Variants in SLC39A11 observed in about 807,000 individuals in gnomAD.
SLC39A11 encodes solute carrier family 39 member 11, also known as zinc transporter ZIP11.
A neutral mutation model predicts 36.1 loss-of-function variants in SLC39A11; 33 were observed. The observed-to-expected ratio is 0.91, with a 90% CI of 0.69 to 1.22. The LOEUF (loss-of-function observed/expected upper bound fraction) is 1.22. Ranked by LOEUF, SLC39A11 falls within the 50% of genes most tolerant of loss-of-function variation. The pLI is 0.00. For synonymous variants in SLC39A11, 166 were observed against 170.3 expected (o/e 0.97, Z 0.20); for missense variants, 432 against 430.3 (o/e 1.00, Z -0.03).
chr17:72,770,289 G>C (rs926691929), intron 6 of SLC39A11, among the ~76,000 whole-genome samples: 3 of 152,232 alleles, frequency 2.0e-5, no homozygotes, highest in Non-Finnish European at 2.9e-5. Context: ...GCAGAAAGTA[G>C]AATGCTGGTT....
chr17:72,725,136 T>A (rs567129446), intron 7 of SLC39A11, among the ~76,000 whole-genome samples: 7 of 152,232 alleles, frequency 4.6e-5, no homozygotes, highest in Non-Finnish European at 7.3e-5. Flanking sequence ...AATAACATTA[T>A]GTTTTTAAGT....
chr17:72,755,485 C>A (rs750337123), intron 6 of SLC39A11, among the ~76,000 whole-genome samples: 3 of 152,154 alleles, frequency 2.0e-5, no homozygotes, highest in African/African-American at 7.2e-5. Context: ...CCATAGACAC[C>A]GGCAACAGGT....
chr17:72,656,535 G>C, intron 7 of SLC39A11, among the ~76,000 whole-genome samples: 1 of 151,992 alleles, frequency 6.6e-6, no homozygotes, highest in Non-Finnish European at 1.5e-5. Context: ...CGGGGGAGGC[G>C]GGAAGGGAGG....
chr17:72,966,758 A>AG (rs1463355014), intron 4 of SLC39A11, among the ~76,000 whole-genome samples: 1 of 151,956 alleles, frequency 6.6e-6, no homozygotes, highest in Admixed American at 6.6e-5. Flanking sequence ...TTTAGTAGAG[A>AG]GGGGGTTTCC....
intron 4 of SLC39A11, among the ~76,000 whole-genome samples, chr17:73,004,960 C>A (rs1225120146): frequency 6.6e-6 from 1 of 152,172 alleles, no homozygotes; most frequent in Non-Finnish European, 1.5e-5. Flanking sequence ...CCGACCTAAC[C>A]CCCCAACACA....
At chr17:72,731,280 T>C (rs1228682038) in intron 7 of SLC39A11, among the ~76,000 whole-genome samples, 1 of 152,200 alleles carries the variant, frequency 6.6e-6, no homozygotes, top group African/African-American at 2.4e-5. Context: ...AACTGTCGTT[T>C]CTGTGTAGAG....
At chr17:73,010,687 A>G (rs2090460037) in intron 4 of SLC39A11, among the ~76,000 whole-genome samples, 1 of 152,216 alleles carries the variant, frequency 6.6e-6, no homozygotes, top group Non-Finnish European at 1.5e-5. Context: ...CTAGCTTCTT[A>G]GGCAAACATA....
intron 7 of SLC39A11, among the ~76,000 whole-genome samples, chr17:72,680,410 G>C (rs997820705): frequency 6.6e-6 from 1 of 152,156 alleles, no homozygotes; most frequent in Non-Finnish European, 1.5e-5. Flanking sequence ...GAAGGGACCT[G>C]GTGGGAAGTA....
At chr17:72,737,868 TGG>T in intron 6 of SLC39A11, among the ~76,000 whole-genome samples, 1 of 152,126 alleles carries the variant, frequency 6.6e-6, no homozygotes, top group African/African-American at 2.4e-5. Context: ...AATCCCTCTC[TGG>T]GGCTGGGAAA....
chr17:73,072,364 G>A (rs558376102), intron 3 of SLC39A11: 9 of 152,318 alleles, frequency 5.9e-5, no homozygotes, highest in African/African-American at 2.2e-4. Flanking sequence ...GACAGACAGG[G>A]ACTGTTTGCA....
intron 6 of SLC39A11, among the ~76,000 whole-genome samples, chr17:72,786,517 C>T (rs2076519403): frequency 1.3e-5 from 2 of 152,248 alleles, no homozygotes; most frequent in African/African-American, 4.8e-5. Flanking sequence ...ACCCCCCTTG[C>T]CATGCCCCCA....
At chr17:73,084,508 A>G (rs1049128720) in intron 3 of SLC39A11, among the ~76,000 whole-genome samples, 3 of 151,548 alleles carry the variant, frequency 2.0e-5, no homozygotes, top group African/African-American at 7.3e-5. Context: ...AGGAAAAAGT[A>G]TATTTAGTTA....
rs57220008 is a variant in SLC39A11 at position 72,701,727 on chromosome 17, C to CA, written c.671+34922dup. On this transcript the variant is annotated intron_variant, in intron 7 of 9. Transcript: ENST00000255559. ...TGGGAGACAGAGGGAGATTCTGTCT[C>CA]AAAAAAAAAAAAAAAAAAAGAAAAA... 6.4e-3 allele frequency among the ~76,000 whole-genome samples: 566 copies of CA among 88,730 alleles called. 8 individuals carry two copies. Among genetic ancestry groups the CA allele is most frequent in the African/African-American group, 0.015 (316 of 20,874 alleles). 58.2% of individuals were successfully genotyped at this position (88,730 alleles called of 152,430 possible).
intron 5 of SLC39A11, among the ~76,000 whole-genome samples, chr17:72,933,040 T>G (rs2084519916): frequency 6.6e-6 from 1 of 152,244 alleles, no homozygotes; most frequent in Admixed American, 6.5e-5. Flanking sequence ...AAGGCAAGAC[T>G]GTCTGCTCTT....
chr17:72,740,721 A>G (rs1291479247), intron 6 of SLC39A11, among the ~76,000 whole-genome samples: 1 of 152,212 alleles, frequency 6.6e-6, no homozygotes, highest in Non-Finnish European at 1.5e-5. Flanking sequence ...TTCACTGCAG[A>G]GATGAACTGC....
chr17:72,843,748 C>T (rs2078923563), intron 6 of SLC39A11, among the ~76,000 whole-genome samples: 1 of 152,142 alleles, frequency 6.6e-6, no homozygotes, highest in African/African-American at 2.4e-5. Context: ...GTACAACATC[C>T]TCTTGTGAGA....
intron 6 of SLC39A11, among the ~76,000 whole-genome samples, chr17:72,848,772 G>A (rs1466790618): frequency 1.3e-5 from 2 of 151,322 alleles, no homozygotes; most frequent in African/African-American, 2.4e-5. Flanking sequence ...AAATAGGAAA[G>A]GATTGGTAAG....
rs940423749 is a variant in SLC39A11 at position 73,088,258 on chromosome 17, C to T, written c.108+399G>A. Among the ~76,000 whole-genome samples, 8 of 146,206 alleles carry T rather than the reference C, an allele frequency of 5.5e-5. No homozygotes were observed. The Admixed American group carries it at 5.7e-4, about 10-fold the overall frequency. On this transcript the variant is annotated intron_variant, in intron 2 of 9. Transcript: ENST00000255559. ...GCAGAGAGCTGAGATCCTGCCACTG[C>T]ACGCCAGGCTGGGCAACAGAGCAAG...
chr17:72,723,671 T>G (rs1408736147), intron 7 of SLC39A11, among the ~76,000 whole-genome samples: 2 of 152,208 alleles, frequency 1.3e-5, no homozygotes, highest in Non-Finnish European at 2.9e-5. Flanking sequence ...GTTCCATCAG[T>G]CCTGGGGAGT....
Sources: gnomAD v4.1 joint callset for allele counts (sites outside exome capture counted in the v4.1 genomes callset) on GRCh38, gnomAD v4.1.1 for gene constraint, MANE v1.5 for transcripts, NCBI Gene and HGNC (gene_info 2026-07-23, HGNC 2026-07-21) for gene names.